RBL1: variants seen among roughly 807,000 people sequenced by gnomAD.
RBL1 encodes the protein retinoblastoma-like protein 1.
A neutral mutation model predicts 123.0 loss-of-function variants in RBL1; 82 were observed. The observed-to-expected ratio is 0.67, with a 90% CI of 0.56 to 0.80. RBL1 has a LOEUF of 0.80. RBL1 is among the 30% of genes least tolerant of loss of function. RBL1 has a pLI of 0.00. For missense variants in RBL1, 1,171 were observed against 1,299.6 expected (o/e 0.90, Z 1.52); for synonymous variants, 405 against 441.3 (o/e 0.92, Z 1.03).
intron 2 of RBL1, among the ~76,000 whole-genome samples, chr20:37,076,914 C>G (rs1229799490): frequency 6.6e-6 from 1 of 151,520 alleles, no homozygotes; most frequent in African/African-American, 2.4e-5. Context: ...CAAATATTAA[C>G]ATTTTGCATA....
In RBL1 at chr20:37,067,272, G is replaced by C. The variant is rs2065194119; in HGVS notation, c.517C>G (p.Leu173Val). The C allele has an allele frequency of 6.2e-7, 1 of 1,605,878 alleles. No homozygotes were observed. The highest frequency in any genetic ancestry group is 1.3e-5 in the African/African-American group (1 of 74,552). The change falls in exon 4 of 22, where the codon CTG (leucine) becomes GTG (valine). Residue 173 changes from leucine to valine, a missense_variant. Coordinates refer to ENST00000373664, the MANE Select transcript of RBL1 (RefSeq NM_002895.5). ...QRRIPCSVKD[L>V]FNFCWTLFVY... Reference sequence around the variant, plus strand: ...AAAAGTGTCCAACAGAAATTAAACAGATCCTTAACACTGCAAGGAATCCTC... The same window carrying C: ...AAAAGTGTCCAACAGAAATTAAACACATCCTTAACACTGCAAGGAATCCTC...
intron 1 of RBL1, among the ~76,000 whole-genome samples, chr20:37,091,080 G>A (rs967416343): frequency 3.3e-5 from 5 of 152,262 alleles, no homozygotes; most frequent in South Asian, 2.1e-4. Flanking sequence ...CGGATAGGCC[G>A]GTGCGGTGGC....
intron 2 of RBL1, among the ~76,000 whole-genome samples, chr20:37,078,976 C>A (rs977539209): frequency 4.0e-5 from 6 of 151,880 alleles, no homozygotes; most frequent in Non-Finnish European, 7.4e-5. Flanking sequence ...GGCAGGCAGA[C>A]CCTTGGAGCT....
rs568905156 is a variant in RBL1 at position 37,013,949 on chromosome 20, C to T, written c.2722+4330G>A. Among the ~76,000 whole-genome samples, 3 of 152,284 alleles carry T rather than the reference C, an allele frequency of 2.0e-5. 1 individual carries two copies. Among genetic ancestry groups the T allele is most frequent in the South Asian group, 2.1e-4 (1 of 4,828 alleles). On this transcript the variant is annotated intron_variant, in intron 19 of 21. Transcript: ENST00000373664. Reference sequence around the variant, plus strand: ...AATGAATTTGTTTATAGAACCAGAACTGTTTTTCCCAAGTTGGTGTTCTTT... The same window carrying T: ...AATGAATTTGTTTATAGAACCAGAATTGTTTTTCCCAAGTTGGTGTTCTTT...
chr20:37,004,333 T>C (rs1378977878), intron 20 of RBL1, among the ~76,000 whole-genome samples: 2 of 150,464 alleles, frequency 1.3e-5, no homozygotes, highest in African/African-American at 2.4e-5. Context: ...CCACCCACCT[T>C]GGCCTCCCAA....
At chr20:37,085,705 G>A (rs1209788578) in intron 2 of RBL1, among the ~76,000 whole-genome samples, 2 of 139,200 alleles carry the variant, frequency 1.4e-5, no homozygotes, top group Non-Finnish European at 3.0e-5. Flanking sequence ...CTAGGCTGGA[G>A]TGCAATGGCG....
chr20:37,025,340 C>T (rs2064402246), intron 16 of RBL1, among the ~76,000 whole-genome samples: 1 of 151,952 alleles, frequency 6.6e-6, no homozygotes, highest in African/African-American at 2.4e-5. Flanking sequence ...AGCAACATAG[C>T]GAAACCCCTT....
At chr20:37,040,672 T>C (rs2064708223) in intron 13 of RBL1, among the ~76,000 whole-genome samples, 1 of 152,098 alleles carries the variant, frequency 6.6e-6, no homozygotes, top group Admixed American at 6.6e-5. Flanking sequence ...TTTTCTTAAC[T>C]TTTTTTTACT....
At chr20:37,002,876 C>A (rs947105487) in intron 21 of RBL1, among the ~76,000 whole-genome samples, 1 of 151,676 alleles carries the variant, frequency 6.6e-6, no homozygotes, top group Non-Finnish European at 1.5e-5. Flanking sequence ...GTGCGCACCA[C>A]CATGCCTGGC....
intron 13 of RBL1, among the ~76,000 whole-genome samples, chr20:37,041,837 A>G (rs1425117918): frequency 1.3e-5 from 2 of 151,962 alleles, no homozygotes; most frequent in Non-Finnish European, 2.9e-5. Context: ...GGCCAGGTGC[A>G]GTGGCTCATG....
chr20:37,043,841 A>C (rs945589550), intron 13 of RBL1, among the ~76,000 whole-genome samples: 3 of 152,156 alleles, frequency 2.0e-5, no homozygotes, highest in Non-Finnish European at 4.4e-5. Context: ...ATTAGTGGTT[A>C]CTTACAGCTA....
chr20:37,064,066 G>A (rs184694254), intron 7 of RBL1, among the ~76,000 whole-genome samples: 2 of 151,586 alleles, frequency 1.3e-5, no homozygotes, highest in African/African-American at 4.8e-5. Flanking sequence ...CAAGCGATCT[G>A]GCTGCCTTGG....
intron 2 of RBL1, among the ~76,000 whole-genome samples, chr20:37,073,217 T>C (rs1279505319): frequency 6.6e-6 from 1 of 152,168 alleles, no homozygotes; most frequent in Non-Finnish European, 1.5e-5. Flanking sequence ...CATCATCATA[T>C]AATCCATTGT....
At chr20:37,062,944 T>C (rs2065119016) in intron 7 of RBL1, among the ~76,000 whole-genome samples, 1 of 151,984 alleles carries the variant, frequency 6.6e-6, no homozygotes. Context: ...ATCGCGCCAC[T>C]GCACTCCAGC....
chr20:37,016,374 A>T (rs540930794), intron 19 of RBL1, among the ~76,000 whole-genome samples: 1 of 152,014 alleles, frequency 6.6e-6, no homozygotes, highest in South Asian at 2.1e-4. Flanking sequence ...AAGGCTCCAG[A>T]ATAATACACT....
At chr20:37,078,414 C>T (rs1042071396) in intron 2 of RBL1, among the ~76,000 whole-genome samples, 1 of 152,088 alleles carries the variant, frequency 6.6e-6, no homozygotes, top group Non-Finnish European at 1.5e-5. Context: ...CTAATTCTAC[C>T]ACTTTTTCTA....
chr20:37,080,332 T>C (rs995792327), intron 2 of RBL1, among the ~76,000 whole-genome samples: 1 of 151,862 alleles, frequency 6.6e-6, no homozygotes, highest in Non-Finnish European at 1.5e-5. Flanking sequence ...GTTTTTTGTA[T>C]TTTTGGTAAA....
chr20:37,046,098 G>C (rs144557441), intron 12 of RBL1, among the ~76,000 whole-genome samples: 1 of 152,246 alleles, frequency 6.6e-6, no homozygotes, highest in African/African-American at 2.4e-5. Flanking sequence ...GAAAAATAAA[G>C]GTAAGGTAAG....
chr20:37,000,010 T>G (rs967469414), intron 21 of RBL1, among the ~76,000 whole-genome samples: 4 of 140,702 alleles, frequency 2.8e-5, no homozygotes, highest in Non-Finnish European at 4.6e-5. Context: ...AAGTGAGGAG[T>G]GTCTCTGCCC....
Sources: allele counts gnomAD v4.1 joint callset (sites outside exome capture counted in the v4.1 genomes callset), GRCh38; gene constraint gnomAD v4.1.1; transcripts MANE v1.5; gene names NCBI Gene and HGNC (gene_info 2026-07-23, HGNC 2026-07-21).